Variants in PPFIA2 observed in about 807,000 individuals in gnomAD.
PPFIA2 encodes liprin-alpha-2.
Under a neutral mutation model 175.5 loss-of-function variants are expected in PPFIA2, and 46 were observed. That is an observed-to-expected ratio of 0.26 (90% CI 0.21 to 0.34). The LOEUF (loss-of-function observed/expected upper bound fraction) is 0.34, where lower values mean the gene tolerates loss of function less well. PPFIA2 is among the 10% of genes least tolerant of loss of function. PPFIA2 has a pLI of 1.00. For missense variants in PPFIA2, 1,179 were observed against 1,506.1 expected, an observed-to-expected ratio of 0.78 and a Z score of 3.60; for synonymous variants, 568 against 511.4, an observed-to-expected ratio of 1.11 and a Z score of -1.49.
Position 81,568,342 on chromosome 12 carries a change from T to G in PPFIA2, c.303+108449A>C, listed in dbSNP as rs984665682. ...CTGTCACCAAGGCACTGTCCCTTGT[T>G]TGTCTGATGGTGGGTCTCCTTTCTT... On this transcript the variant is annotated intron_variant, in intron 4 of 32. Transcript: ENST00000549396. 3.3e-5 allele frequency among the ~76,000 whole-genome samples: 5 copies of G among 152,198 alleles called. No homozygotes were observed. The East Asian group carries it at 9.6e-4, about 29-fold the overall frequency.
chr12:81,498,913 G>A (rs769637762), intron 4 of PPFIA2, among the ~76,000 whole-genome samples: 7 of 152,148 alleles, frequency 4.6e-5, no homozygotes, highest in African/African-American at 1.2e-4. Context: ...GTGAGCCACC[G>A]TGCCCGGCAT....
intron 3 of PPFIA2, among the ~76,000 whole-genome samples, chr12:81,680,577 C>T (rs538609394): frequency 6.6e-6 from 1 of 152,012 alleles, no homozygotes; most frequent in Admixed American, 6.6e-5. Flanking sequence ...CCGTGACTCT[C>T]CCAGAACATG....
chr12:81,612,114 G>T (rs76399667), intron 4 of PPFIA2, among the ~76,000 whole-genome samples: 245 of 151,948 alleles, frequency 1.6e-3, no homozygotes, highest in African/African-American at 5.8e-3. Context: ...TTAATAATTT[G>T]GTCTCTCTTG....
chr12:81,725,001 G>T (rs1432318437), intron 3 of PPFIA2, among the ~76,000 whole-genome samples: 1 of 150,752 alleles, frequency 6.6e-6, no homozygotes. Flanking sequence ...GTTATTTTTT[G>T]ACTTTTAATT....
At chr12:81,613,910 A>G (rs1391213533) in intron 4 of PPFIA2, among the ~76,000 whole-genome samples, 1 of 152,160 alleles carries the variant, frequency 6.6e-6, no homozygotes, top group African/African-American at 2.4e-5. Context: ...TTCTAAGATT[A>G]TTACAGTTAG....
chr12:81,344,615 G>A, intron 19 of PPFIA2, 49 bp downstream of exon 19: 1 of 1,341,072 alleles, frequency 7.5e-7, no homozygotes, highest in Non-Finnish European at 1.0e-6. Context: ...AGCTTTCATA[G>A]AATAAAACAG....
rs141747575 is a variant in PPFIA2, at chr12:81,382,523, T to C, written c.984+1500A>G. Reference sequence around the variant, plus strand: ...AATCCAGTGAGAGAAAGTGATTGTGTAGAAAAAGCAAAAGCCATGAAGATT... The same window carrying C: ...AATCCAGTGAGAGAAAGTGATTGTGCAGAAAAAGCAAAAGCCATGAAGATT... On this transcript the variant is annotated intron_variant, in intron 9 of 32. Coordinates refer to ENST00000549396, the MANE Select transcript of PPFIA2 (RefSeq NM_003625.5). 2.6e-3 allele frequency among the ~76,000 whole-genome samples: 395 copies of C among 152,146 alleles called. 1 individual carries two copies. The highest frequency in any genetic ancestry group is 9.2e-3 in the African/African-American group (381 of 41,520).
intron 4 of PPFIA2, among the ~76,000 whole-genome samples, chr12:81,669,868 C>G (rs2071084383): frequency 6.6e-6 from 1 of 151,926 alleles, no homozygotes; most frequent in Non-Finnish European, 1.5e-5. Flanking sequence ...TGATGGGAAG[C>G]TAACATAGCT....
intron 4 of PPFIA2, among the ~76,000 whole-genome samples, chr12:81,464,946 G>C (rs2055331231): frequency 6.6e-6 from 1 of 151,608 alleles, no homozygotes; most frequent in African/African-American, 2.4e-5. Flanking sequence ...ACTTGAGGAG[G>C]TTTAATTGAG....
At chr12:81,418,336 T>A (rs1022274926) in intron 7 of PPFIA2, among the ~76,000 whole-genome samples, 1 of 151,942 alleles carries the variant, frequency 6.6e-6, no homozygotes, top group African/African-American at 2.4e-5. Context: ...TTGCCAACGC[T>A]AATTTCTAAC....
At chr12:81,267,270 T>C (rs1421244242) in intron 29 of PPFIA2, 1 of 563,354 alleles carries the variant, frequency 1.8e-6, no homozygotes, top group East Asian at 3.9e-5. Flanking sequence ...GGCTTTGGCC[T>C]CACTTCGTTA....
intron 4 of PPFIA2, chr12:81,505,764 C>G (rs2061093226): frequency 1.3e-5 from 2 of 152,196 alleles, no homozygotes; most frequent in Admixed American, 1.3e-4. Context: ...CCTTTTGGCT[C>G]TATGGTCCTA....
chr12:81,454,222 G>A (rs544061857), intron 5 of PPFIA2, among the ~76,000 whole-genome samples: 5 of 151,722 alleles, frequency 3.3e-5, no homozygotes, highest in African/African-American at 4.8e-5. Context: ...CGTCTCAAAA[G>A]AATTAAAAAA....
intron 4 of PPFIA2, among the ~76,000 whole-genome samples, chr12:81,572,412 T>C (rs1215017431): frequency 6.6e-6 from 1 of 152,028 alleles, no homozygotes; most frequent in East Asian, 1.9e-4. Context: ...TTTCCTTAAG[T>C]ATTGTTTTCA....
chr12:81,597,903 G>A, intron 4 of PPFIA2: 1 of 1,506,412 alleles, frequency 6.6e-7, no homozygotes, highest in South Asian at 1.2e-5. Flanking sequence ...TTAAAAGTTT[G>A]ACAATACATT....
intron 3 of PPFIA2, among the ~76,000 whole-genome samples, chr12:81,677,322 C>T (rs1331523609): frequency 6.6e-6 from 1 of 151,808 alleles, no homozygotes; most frequent in Non-Finnish European, 1.5e-5. Flanking sequence ...TCACCTCAAA[C>T]ATTTATCATT....
intron 4 of PPFIA2, among the ~76,000 whole-genome samples, chr12:81,536,165 T>A (rs1023079513): frequency 2.0e-5 from 3 of 151,692 alleles, no homozygotes. Flanking sequence ...TTCATCAAAA[T>A]CACAACAAAG....
chr12:81,726,763 T>C (rs1379995950), intron 3 of PPFIA2, among the ~76,000 whole-genome samples: 1 of 151,340 alleles, frequency 6.6e-6, no homozygotes, highest in Non-Finnish European at 1.5e-5. Flanking sequence ...GTGTGAACTG[T>C]AGTATCTGCA....
At chr12:81,657,102 A>AT (rs1245740452) in intron 4 of PPFIA2, among the ~76,000 whole-genome samples, 1 of 152,186 alleles carries the variant, frequency 6.6e-6, no homozygotes, top group African/African-American at 2.4e-5. Flanking sequence ...AAGCACTTGA[A>AT]AAGACTGTCT....
Sources: gnomAD v4.1 joint callset for allele counts (sites outside exome capture counted in the v4.1 genomes callset) on GRCh38, gnomAD v4.1.1 for gene constraint, MANE v1.5 for transcripts, NCBI Gene and HGNC (gene_info 2026-07-23, HGNC 2026-07-21) for gene names.